CCNJL: variants seen among roughly 807,000 people sequenced by gnomAD.
The protein encoded by CCNJL is cyclin J like.
In CCNJL, 33 loss-of-function variants were observed where a neutral mutation model predicts 33.4. That is an observed-to-expected ratio of 0.99 (90% CI 0.75 to 1.32). The LOEUF (loss-of-function observed/expected upper bound fraction) is 1.32. Among genes scored for constraint, CCNJL ranks in the 40% most tolerant of loss-of-function variants. The pLI, the probability that CCNJL is intolerant of heterozygous loss-of-function variation, is 0.00. For synonymous variants in CCNJL, 227 were observed against 220.9 expected (o/e 1.03, Z -0.24); for missense variants, 512 against 499.7 (o/e 1.02, Z -0.23).
rs149092522 is a variant in CCNJL, at chr5:160,266,692, T to C, written c.281-6921A>G. Among the ~76,000 whole-genome samples the C allele has an allele frequency of 5.5e-3, 834 of 152,312 alleles. 11 individuals carry two copies. Among genetic ancestry groups the C allele is most frequent in the African/African-American group, 0.019 (779 of 41,576 alleles). On this transcript the variant is annotated intron_variant, in intron 3 of 5. Transcript: ENST00000257536. Reference sequence around the variant, plus strand: ...ATGGTAGCAGCTGCTGTATTATTTATTGAACATGGTATTCTTTGCACTCCA... The same window carrying C: ...ATGGTAGCAGCTGCTGTATTATTTACTGAACATGGTATTCTTTGCACTCCA...
intron 1 of CCNJL, among the ~76,000 whole-genome samples, chr5:160,318,672 C>T (rs994950356): frequency 1.6e-4 from 25 of 152,282 alleles, no homozygotes; most frequent in Middle Eastern, 3.4e-3. Flanking sequence ...AGTATTATGC[C>T]TAAGGTAGAG....
intron 3 of CCNJL, among the ~76,000 whole-genome samples, chr5:160,264,332 C>T (rs534061956): frequency 1.3e-5 from 2 of 152,228 alleles, no homozygotes; most frequent in South Asian, 2.1e-4. Flanking sequence ...TTGGTGGTGA[C>T]GGTGGTGCCT....
Position 160,311,895 on chromosome 5 carries a change from C to T in CCNJL, c.29G>A (p.Arg10His), listed in dbSNP as rs562243632. MMDEPWWEG[R>H]VASDVHCTLR... ...GGTGCAGTGGACGTCCGAGGCGACG[C>T]GCCCTTCCCACCACGGCTCATCCAT... The change falls in exon 2 of 6, where the codon CGC (arginine) becomes CAC (histidine). Residue 10 changes from arginine to histidine, a missense_variant. Physicochemically the swap from Arg to His is conservative, Grantham distance 29. Transcript: ENST00000257536. The T allele has an allele frequency of 1.2e-5, 20 of 1,614,204 alleles. No homozygotes were observed. The South Asian group carries it at 2.1e-4, about 17-fold the overall frequency.
chr5:160,294,241 C>A (rs1048618814), intron 2 of CCNJL, among the ~76,000 whole-genome samples: 1 of 152,192 alleles, frequency 6.6e-6, no homozygotes, highest in African/African-American at 2.4e-5. Flanking sequence ...CTTCATAAGG[C>A]CCAAGGAAGC....
At chr5:160,330,364 T>A (rs1256693579) in intron 1 of CCNJL, among the ~76,000 whole-genome samples, 1 of 152,134 alleles carries the variant, frequency 6.6e-6, no homozygotes, top group Non-Finnish European at 1.5e-5. Flanking sequence ...TGTGGCTGGG[T>A]CAAGAACCAC....
chr5:160,273,609 G>T (rs1411486115), intron 3 of CCNJL, among the ~76,000 whole-genome samples: 3 of 150,544 alleles, frequency 2.0e-5, no homozygotes, highest in Non-Finnish European at 4.4e-5. Context: ...ACAGCTCTGT[G>T]CGTGTTTGCA....
intron 4 of CCNJL, among the ~76,000 whole-genome samples, chr5:160,257,152 G>GC (rs1054614956): frequency 5.3e-5 from 8 of 151,894 alleles, no homozygotes; most frequent in Non-Finnish European, 1.0e-4. Context: ...ACGAGCCTGA[G>GC]CAACATGGCG....
At chr5:160,310,566 T>C (rs1763229224) in intron 2 of CCNJL, among the ~76,000 whole-genome samples, 1 of 152,208 alleles carries the variant, frequency 6.6e-6, no homozygotes, top group Admixed American at 6.5e-5. Flanking sequence ...GGTACTGCAC[T>C]AGGAAGACCT....
intron 2 of CCNJL, among the ~76,000 whole-genome samples, chr5:160,293,579 G>A (rs1014413006): frequency 3.3e-5 from 5 of 152,094 alleles, no homozygotes; most frequent in African/African-American, 1.2e-4. Context: ...GCGCATGTCC[G>A]GTCCTGTTTC....
At chr5:160,299,552 G>A (rs1581002068) in intron 2 of CCNJL, among the ~76,000 whole-genome samples, 4 of 151,750 alleles carry the variant, frequency 2.6e-5, no homozygotes, top group Admixed American at 2.6e-4. Context: ...ATGGACAACA[G>A]AAGATATTAA....
At chr5:160,319,013 G>A (rs756333621) in intron 1 of CCNJL, among the ~76,000 whole-genome samples, 3 of 152,176 alleles carry the variant, frequency 2.0e-5, no homozygotes, top group Non-Finnish European at 4.4e-5. Flanking sequence ...AGAGGGCTCC[G>A]TAAACTGTCC....
chr5:160,312,765 G>C (rs770941770), upstream of CCNJL: 1 of 152,144 alleles, frequency 6.6e-6, no homozygotes, highest in Non-Finnish European at 1.5e-5. Flanking sequence ...GCTAGTGGTA[G>C]CCTTCTGGGC....
At chr5:160,320,871 C>CTT (rs1763441433) in intron 1 of CCNJL, among the ~76,000 whole-genome samples, 9 of 71,084 alleles carry the variant, frequency 1.3e-4, no homozygotes, top group African/African-American at 3.9e-4. Flanking sequence ...CTTTCTTTCT[C>CTT]TCTTTCTTTC....
intron 2 of CCNJL, among the ~76,000 whole-genome samples, chr5:160,291,535 C>T (rs1762585448): frequency 6.6e-6 from 1 of 152,196 alleles, no homozygotes; most frequent in Admixed American, 6.5e-5. Context: ...AGTAACATCC[C>T]AGAAAGCTGA....
At position 160,288,237 on chromosome 5, in the gene CCNJL, G is replaced by A. The variant is rs561981277; in HGVS notation, c.67-7499C>T. ...GGGCACTGAGATCTTGCATTTTCAC[G>A]ATCATGCTTTTCAACAGCCTGAATT... On this transcript the variant is annotated intron_variant, in intron 2 of 5. Transcript: ENST00000257536. Among the ~76,000 whole-genome samples the A allele has an allele frequency of 2.2e-3, 329 of 151,778 alleles. 3 individuals are homozygous for A. Among genetic ancestry groups the A allele is most frequent in the African/African-American group, 7.3e-3 (303 of 41,252 alleles).
chr5:160,336,602 A>G (rs1214472036), intron 1 of CCNJL, among the ~76,000 whole-genome samples: 1 of 152,192 alleles, frequency 6.6e-6, no homozygotes, highest in Non-Finnish European at 1.5e-5. Context: ...GTTTGTGGTA[A>G]TCTGTTATGG....
chr5:160,303,708 GTGTGTGTGTGTGTGTGTGTC>G (rs1180102722), intron 2 of CCNJL, among the ~76,000 whole-genome samples: 6 of 91,246 alleles, frequency 6.6e-5, no homozygotes, highest in African/African-American at 1.8e-4. Flanking sequence ...GTCTGTGTGT[GTGTGTGTGTGTGTGTGTGTC>G]TGTGTGTGTG....
Position 160,263,211 on chromosome 5 carries a change from C to T in CCNJL, c.281-3440G>A, listed in dbSNP as rs369809121. ...AGACCATTTCTAGTCAAGTTGCAGA[C>T]GTGACATGCCACCCCGAACACTTCA... On this transcript the variant is annotated intron_variant, in intron 3 of 5. Transcript: ENST00000257536. 5.3e-5 allele frequency among the ~76,000 whole-genome samples: 8 copies of T among 152,040 alleles called. No individual in the cohort carries two copies. In the East Asian group the frequency reaches 9.6e-4, roughly 18 times the overall value.
chr5:160,322,588 C>G (rs766869681), intron 1 of CCNJL, among the ~76,000 whole-genome samples: 2 of 152,216 alleles, frequency 1.3e-5, no homozygotes, highest in Non-Finnish European at 2.9e-5. Context: ...AATGATCTCA[C>G]GAGCATTTTT....
Sources: gnomAD v4.1 joint callset for allele counts (sites outside exome capture counted in the v4.1 genomes callset) on GRCh38, gnomAD v4.1.1 for gene constraint, MANE v1.5 for transcripts, NCBI Gene and HGNC (gene_info 2026-07-23, HGNC 2026-07-21) for gene names.